The following FANCM variants were observed in gnomAD, a reference collection of about 807,000 sequenced individuals.
FANCM encodes Fanconi anemia group M protein.
A neutral mutation model predicts 199.5 loss-of-function variants in FANCM; 140 were observed. That is an observed-to-expected ratio of 0.70 (90% CI 0.61 to 0.81). FANCM has a LOEUF of 0.81. Among genes scored for constraint, FANCM ranks in the 30% least tolerant of loss-of-function variants. The pLI is 0.00. For missense variants in FANCM, 2,410 were observed against 2,421.4 expected (o/e 1.00, Z 0.10); for synonymous variants, 840 against 836.8 (o/e 1.00, Z -0.07).
chr14:45,147,217 T>C (rs1401338610), intron 3 of FANCM, among the ~76,000 whole-genome samples: 1 of 152,200 alleles, frequency 6.6e-6, no homozygotes, highest in East Asian at 1.9e-4. Context: ...CGCCAGGTAT[T>C]GGGAATACCA....
In FANCM at chr14:45,154,052, G is replaced by C; in HGVS notation, c.1183G>C (p.Gly395Arg). The C allele has an allele frequency of 6.5e-7, 1 of 1,541,162 alleles. No homozygotes were observed. The highest frequency in any genetic ancestry group is 9.0e-7 in the Non-Finnish European group (1 of 1,113,946). The change falls in exon 6 of 23, where the codon GGG becomes CGG. Residue 395 changes from glycine to arginine, a missense_variant and splice_region_variant. Physicochemically the swap from Gly to Arg is moderately radical, Grantham distance 125. Coordinates refer to ENST00000267430, the MANE Select transcript of FANCM (RefSeq NM_020937.4). Reference sequence around the variant, plus strand: ...TTGTGGAATTATGGATGGAACTAAAGGTAAATTATATCAAATTATTTAAAG... The same window carrying C: ...TTGTGGAATTATGGATGGAACTAAACGTAAATTATATCAAATTATTTAAAG... ...FLCGIMDGTK[G>R]MTRSKNELGR...
At chr14:45,193,319 A>G (rs1001235619) in intron 20 of FANCM, among the ~76,000 whole-genome samples, 1 of 152,200 alleles carries the variant, frequency 6.6e-6, no homozygotes, top group Non-Finnish European at 1.5e-5. Flanking sequence ...ACCTGGGGAC[A>G]CAAGTCCTGC....
At chr14:45,138,268 AAG>A (rs1034274044) in intron 2 of FANCM, among the ~76,000 whole-genome samples, 1 of 152,176 alleles carries the variant, frequency 6.6e-6, no homozygotes, top group Non-Finnish European at 1.5e-5. Flanking sequence ...GCAAGAATAA[AAG>A]AGGGAAAGGT....
In FANCM at chr14:45,176,731, C is replaced by G; in HGVS notation, c.3977C>G (p.Ser1326Cys). Residue 1326 changes from serine (S) to cysteine (C), a missense_variant, in exon 14 of 23, where the codon TCT becomes TGT. Coordinates refer to ENST00000267430, the MANE Select transcript of FANCM (RefSeq NM_020937.4). The stretch of plus-strand genomic sequence containing the variant: ...GAAGAATTGTTATCTCCTGGTTATT[C>G]TCAGTTTTCTTTACCAGTGCAAAAA... ...KNEELLSPGY[S>C]QFSLPVQKKV... 1 of 1,613,258 alleles carries G rather than the reference C, an allele frequency of 6.2e-7. No homozygotes were observed. Among genetic ancestry groups the G allele is most frequent in the Non-Finnish European group, 8.5e-7 (1 of 1,179,568 alleles).
chr14:45,137,447 GT>G, intron 2 of FANCM: 1 of 575,074 alleles, frequency 1.7e-6, no homozygotes, highest in Non-Finnish European at 3.1e-6. Context: ...TGCTGTTATT[GT>G]TGTTTTCTTT....
chr14:45,167,984 C>T (rs55874504), intron 11 of FANCM, among the ~76,000 whole-genome samples: 2,686 of 152,248 alleles, frequency 0.018, 32 homozygotes, highest in Middle Eastern at 0.062. Flanking sequence ...AAGACTCTTA[C>T]GCTGAAAAAT....
chr14:45,145,329 C>T (rs529894287), intron 3 of FANCM, among the ~76,000 whole-genome samples: 2 of 152,076 alleles, frequency 1.3e-5, no homozygotes, highest in Admixed American at 6.6e-5. Flanking sequence ...TTAACTGTCC[C>T]ACCTGGTGTC....
chr14:45,198,688 C>G lies in FANCM; in HGVS notation c.5761C>G (p.Leu1921Val). ...MFRRTKSYDS[L>V]LTTLIGAGIR... ...TAGGAGAACAAAGAGCTATGACAGC[C>G]TGCTGACTACCTTAATTGGCGCTGG... Residue 1921 changes from leucine (L) to valine (V), a missense_variant, in exon 22 of 23, where the codon CTG becomes GTG. By Grantham distance (32) the Leu-to-Val change is conservative (BLOSUM62 1). Coordinates refer to ENST00000267430, the MANE Select transcript of FANCM (RefSeq NM_020937.4). The G allele has an allele frequency of 6.2e-7, 1 of 1,613,608 alleles. No homozygotes were observed. Among genetic ancestry groups the G allele is most frequent in the Non-Finnish European group, 8.5e-7 (1 of 1,179,614 alleles).
chr14:45,197,528 G>A lies in FANCM; in HGVS notation c.5716+981G>A, dbSNP rs188603178. The stretch of plus-strand genomic sequence containing the variant: ...TGCCCAGGCTGGAGTGCAGTGGCAT[G>A]ATCTCGGCTCACTGCAACCTCCACC... On this transcript the variant is annotated intron_variant, in intron 21 of 22. Transcript: ENST00000267430. Among the ~76,000 whole-genome samples, 318 of 147,038 alleles carry A rather than the reference G, an allele frequency of 2.2e-3. 3 individuals are homozygous for A. The highest frequency in any genetic ancestry group is 7.2e-3 in the African/African-American group (287 of 39,724).
intron 20 of FANCM, among the ~76,000 whole-genome samples, chr14:45,192,275 A>G (rs1473178045): frequency 6.6e-6 from 1 of 152,242 alleles, no homozygotes; most frequent in Non-Finnish European, 1.5e-5. Context: ...CTGATATTTA[A>G]GGAAAAACAG....
At chr14:45,199,045 T>G (rs1384786453) in intron 22 of FANCM, 110 bp downstream of exon 22, 3 of 786,860 alleles carry the variant, frequency 3.8e-6, no homozygotes, top group Non-Finnish European at 6.1e-6. Context: ...TGTTAGATTA[T>G]TTTATTCAGT....
At chr14:45,170,344 T>C (rs1362705660) in intron 11 of FANCM, among the ~76,000 whole-genome samples, 1 of 152,100 alleles carries the variant, frequency 6.6e-6, no homozygotes, top group Non-Finnish European at 1.5e-5. Flanking sequence ...CTGGGCAACA[T>C]ATCAAGACTT....
Position 45,161,248 on chromosome 14 carries a change from C to A in FANCM, c.1581+1968C>A, listed in dbSNP as rs1243773016. ...CAAAGTAAAAACTTTTTTTATTACTCCTATATGTAATTGCTTTCATAACAG... is the reference window on the plus strand; with the variant it reads ...CAAAGTAAAAACTTTTTTTATTACTACTATATGTAATTGCTTTCATAACAG... On this transcript the variant is annotated intron_variant, in intron 9 of 22. Transcript: ENST00000267430. Among the ~76,000 whole-genome samples, 13 of 152,088 alleles carry A rather than the reference C, an allele frequency of 8.5e-5. No homozygotes were observed. In the East Asian group the frequency reaches 2.5e-3, roughly 29 times the overall value.
chr14:45,140,611 A>G, intron 2 of FANCM, 21 bp from the exon 3 acceptor site: 1 of 1,405,834 alleles, frequency 7.1e-7, no homozygotes, highest in Non-Finnish European at 1.0e-6. Context: ...GATGAAACTA[A>G]AGAACTTTTT....
chr14:45,174,394 A>C (rs1294415002), intron 13 of FANCM, among the ~76,000 whole-genome samples: 2 of 152,004 alleles, frequency 1.3e-5, no homozygotes, highest in Non-Finnish European at 2.9e-5. Flanking sequence ...CTAAAAAAAA[A>C]AAAAACAAAA....
chr14:45,137,282 C>T, intron 2 of FANCM, 41 bp downstream of exon 2: 1 of 1,560,022 alleles, frequency 6.4e-7, no homozygotes, highest in Non-Finnish European at 8.8e-7. Flanking sequence ...TGTAACTGTA[C>T]TGTTAAAGAG....
rs756513033 is a variant in FANCM, at chr14:45,151,402, G to A, written c.924G>A (p.Leu308=). The A allele has an allele frequency of 3.7e-6, 6 of 1,613,482 alleles. No individual in the cohort carries two copies. Among genetic ancestry groups the A allele is most frequent in the Admixed American group, 1.7e-5 (1 of 59,996 alleles). ...GATTGCTTTTAAATTTGCAGATTTT[G>A]GAATCATTTGCTCGTTCTTTGATTC... ...AAIQKTYIQI[L]ESFARSLIQR... is the part of the protein sequence containing the mutation. Residue 308 remains leucine (L), a synonymous_variant, in exon 5 of 23, where the codon TTG becomes TTA. Transcript: ENST00000267430.
At chr14:45,149,769 A>C (rs2139154836) in intron 4 of FANCM, among the ~76,000 whole-genome samples, 1 of 152,224 alleles carries the variant, frequency 6.6e-6, no homozygotes, top group Non-Finnish European at 1.5e-5. Flanking sequence ...CCTACCTGGC[A>C]ACATTTGGCA....
intron 14 of FANCM, among the ~76,000 whole-genome samples, chr14:45,181,160 C>T (rs917431648): frequency 3.3e-4 from 51 of 152,304 alleles, no homozygotes; most frequent in African/African-American, 1.1e-3. Context: ...TTTCTGGCCT[C>T]ATTTCAGTTA....
Sources: gnomAD v4.1 joint callset for allele counts (sites outside exome capture counted in the v4.1 genomes callset) on GRCh38, gnomAD v4.1.1 for gene constraint, MANE v1.5 for transcripts, NCBI Gene and HGNC (gene_info 2026-07-23, HGNC 2026-07-21) for gene names.